Variants in ARHGAP17 observed in about 807,000 individuals in gnomAD.
The protein encoded by ARHGAP17 is Rho GTPase activating protein 17.
In ARHGAP17, 57 loss-of-function variants were observed where a neutral mutation model predicts 99.5. The ratio of observed to expected loss-of-function variants is 0.57; its 90% confidence interval spans 0.46 to 0.71. The LOEUF is 0.71. ARHGAP17 is among the 30% of genes least tolerant of loss of function. The pLI is 0.00. For synonymous variants in ARHGAP17, 417 were observed against 429.6 expected (o/e 0.97, Z 0.36); for missense variants, 1,000 against 1,122.4 (o/e 0.89, Z 1.56).
chr16:24,949,327 G>T, intron 13 of ARHGAP17, 77 bp downstream of exon 13: 1 of 1,136,742 alleles, frequency 8.8e-7, no homozygotes. Flanking sequence ...TGCCAAGTAT[G>T]CCTGAATTAA....
intron 1 of ARHGAP17, 70 bp downstream of exon 1, chr16:25,015,139 T>TGGGGGG: frequency 3.3e-6 from 4 of 1,195,758 alleles, no homozygotes; most frequent in African/African-American, 3.4e-5. Context: ...GGAGGAGCCG[T>TGGGGGG]CCCGCCCCCG....
intron 19 of ARHGAP17, among the ~76,000 whole-genome samples, chr16:24,928,262 T>C (rs763871768): frequency 5.3e-5 from 8 of 152,350 alleles, no homozygotes; most frequent in African/African-American, 1.9e-4. Flanking sequence ...GATTTTAAGA[T>C]AGTACAGGTT....
intron 12 of ARHGAP17, among the ~76,000 whole-genome samples, chr16:24,950,836 C>CAAACAAAAAAAAAAAAAAAAAAAA (rs1386246671): frequency 5.1e-5 from 2 of 39,432 alleles, no homozygotes; most frequent in African/African-American, 2.1e-4. Context: ...GACTCCAACT[C>CAAACAAAAAAAAAAAAAAAAAAAA]AAAAAAAAAA....
chr16:25,015,206 C>T lies in ARHGAP17; in HGVS notation c.53+3G>A. The T allele has an allele frequency of 7.5e-7, 1 of 1,330,660 alleles. No homozygotes were observed. The allele number at this position is 1,330,660 out of a possible 1,614,324, so 82.4% of individuals were successfully genotyped here. A position where few individuals can be genotyped will look rare whatever the true frequency, so the allele number is the denominator to read the frequency against. ...CGACCCCCGTGCTGCCCGGCGCACT[C>T]GCCTGCCCACGGTCTGGTTAGCCAG... is the stretch of plus-strand genomic sequence containing the variant. On this transcript the variant is annotated splice_donor_region_variant and intron_variant, in intron 1 of 19. Transcript: ENST00000289968.
chr16:24,968,909 T>C, intron 4 of ARHGAP17, 137 bp from the exon 5 acceptor site: 1 of 712,400 alleles, frequency 1.4e-6, no homozygotes, highest in Non-Finnish European at 2.4e-6. Context: ...ATATTATAAA[T>C]GTAGGGTACT....
At chr16:24,950,991 T>C (rs554069162) in intron 12 of ARHGAP17, among the ~76,000 whole-genome samples, 2 of 152,174 alleles carry the variant, frequency 1.3e-5, no homozygotes, top group East Asian at 1.9e-4. Context: ...GCAGTGTCCG[T>C]AGACGGGGAA....
intron 14 of ARHGAP17, among the ~76,000 whole-genome samples, chr16:24,946,362 C>T (rs1327397509): frequency 6.6e-6 from 1 of 151,708 alleles, no homozygotes; most frequent in Non-Finnish European, 1.5e-5. Context: ...GAAACCAGGC[C>T]CTTTCAACAG....
At chr16:24,934,592 T>G (rs968102223) in intron 18 of ARHGAP17, among the ~76,000 whole-genome samples, 2 of 152,228 alleles carry the variant, frequency 1.3e-5, no homozygotes, top group African/African-American at 4.8e-5. Flanking sequence ...TAGCTGGGAC[T>G]ATAGGTGTGT....
chr16:24,996,599 G>A (rs567841933), intron 1 of ARHGAP17, among the ~76,000 whole-genome samples: 297 of 152,268 alleles, frequency 2.0e-3, no homozygotes, highest in African/African-American at 6.8e-3. Flanking sequence ...CAAGCAAGGT[G>A]CTAGCTCCTT....
intron 19 of ARHGAP17, among the ~76,000 whole-genome samples, chr16:24,924,338 A>G (rs1597351389): frequency 6.6e-6 from 1 of 152,286 alleles, no homozygotes; most frequent in East Asian, 1.9e-4. Context: ...GTCTTTGAGC[A>G]TACTGCTTGG....
intron 3 of ARHGAP17, among the ~76,000 whole-genome samples, chr16:24,972,304 G>GTTC (rs1275261119): frequency 1.4e-4 from 21 of 152,180 alleles, no homozygotes; most frequent in African/African-American, 4.6e-4. Flanking sequence ...CCGTGTAAAT[G>GTTC]TAGAACCTAT....
At chr16:24,932,702 T>A (rs1597366421) in intron 18 of ARHGAP17, among the ~76,000 whole-genome samples, 1 of 152,030 alleles carries the variant, frequency 6.6e-6, no homozygotes, top group Non-Finnish European at 1.5e-5. Context: ...CTGAATCACA[T>A]CACTCTCCTC....
In ARHGAP17 at chr16:25,015,189, G is replaced by T; in HGVS notation, c.53+20C>A. ...CGCCCCCAGCCCCGGTGCGACCCCC[G>T]TGCTGCCCGGCGCACTCGCCTGCCC... On this transcript the variant is annotated intron_variant, in intron 1 of 19. Coordinates refer to ENST00000289968, the MANE Select transcript of ARHGAP17 (RefSeq NM_001006634.3). 5 of 1,294,400 alleles carry T rather than the reference G, an allele frequency of 3.9e-6. No individual in the cohort carries two copies. The highest frequency in any genetic ancestry group is 4.9e-6 in the Non-Finnish European group (5 of 1,015,816). 80.2% of individuals were successfully genotyped at this position (1,294,400 alleles called of 1,614,324 possible).
At position 24,942,079 on chromosome 16, in the gene ARHGAP17, G is replaced by A; in HGVS notation, c.1398C>T (p.Phe466=). 1 of 1,614,116 alleles carries A rather than the reference G, an allele frequency of 6.2e-7. No homozygotes were observed. ...CCGAGTCAGAGTCGTTTCCAGTGTG[G>A]AATGAGTGATTAGAACTCGGGGTGG... ...PLTTPSSNHS[F]HTGNDSDSGT... The change falls in exon 16 of 20, where the codon TTC becomes TTT. Residue 466 remains phenylalanine, a synonymous_variant. Transcript: ENST00000289968.
intron 19 of ARHGAP17, among the ~76,000 whole-genome samples, chr16:24,922,365 C>T (rs2050738992): frequency 1.3e-5 from 2 of 152,230 alleles, no homozygotes; most frequent in African/African-American, 2.4e-5. Context: ...AGCCCCTCCA[C>T]AGCTGCTCTC....
intron 19 of ARHGAP17, chr16:24,929,613 C>T: frequency 2.0e-6 from 2 of 987,912 alleles, no homozygotes; most frequent in Admixed American, 6.1e-5. Flanking sequence ...CATTACAGAC[C>T]TTAGTCCTGG....
At chr16:25,008,270 T>C (rs1482808001) in intron 1 of ARHGAP17, among the ~76,000 whole-genome samples, 1 of 152,254 alleles carries the variant, frequency 6.6e-6, no homozygotes, top group Admixed American at 6.5e-5. Flanking sequence ...TCTTCATGCA[T>C]ATCCATTCAG....
intron 3 of ARHGAP17, among the ~76,000 whole-genome samples, chr16:24,971,211 A>C (rs549548475): frequency 6.6e-6 from 1 of 152,104 alleles, no homozygotes; most frequent in Non-Finnish European, 1.5e-5. Context: ...ACTATGTTCA[A>C]GGCACTGGGG....
At chr16:24,954,861 T>C in intron 9 of ARHGAP17, 131 bp from the exon 10 acceptor site, 1 of 1,279,274 alleles carries the variant, frequency 7.8e-7, no homozygotes, top group Non-Finnish European at 1.1e-6. Context: ...GATACATCTG[T>C]TCTATTTGCT....
Sources: allele counts gnomAD v4.1 joint callset (sites outside exome capture counted in the v4.1 genomes callset), GRCh38; gene constraint gnomAD v4.1.1; transcripts MANE v1.5; gene names NCBI Gene and HGNC (gene_info 2026-07-23, HGNC 2026-07-21).